Variants in HEXD observed in about 807,000 individuals in gnomAD.
HEXD encodes the protein N-acetyl-beta-galactosaminidase.
HEXD carries 47 observed loss-of-function variants against 54.2 expected under a neutral mutation model. The ratio of observed to expected loss-of-function variants is 0.87; its 90% CI spans 0.69 to 1.11. HEXD has a LOEUF of 1.11. HEXD is among the 50% of genes least tolerant of loss of function. The pLI, the probability that HEXD is intolerant of heterozygous loss-of-function variation, is 0.00. For missense variants in HEXD, 576 were observed against 649.2 expected (o/e 0.89, Z 1.23); for synonymous variants, 293 against 287.6 (o/e 1.02, Z -0.19).
At chr17:82,428,787 C>G (rs76117942) in intron 4 of HEXD, 142 bp downstream of exon 4, 4 of 685,338 alleles carry the variant, frequency 5.8e-6, no homozygotes, top group Non-Finnish European at 1.0e-5. Context: ...CATGGAAAGG[C>G]CTTTGGTCTA....
At chr17:82,436,018 T>G (rs1472460862) in intron 6 of HEXD, 146 bp downstream of exon 6, 1 of 791,400 alleles carries the variant, frequency 1.3e-6, no homozygotes, top group South Asian at 1.7e-5. Context: ...TGCATCCCCT[T>G]GACGCCAGGC....
Position 82,435,827 on chromosome 17 carries a change from G to T in HEXD, c.586G>T (p.Val196Leu). ...KARRPSVTPL[V>L]WDDMLRDLPE... ...CCGGCGCCCCAGCGTGACACCCCTG[G>T]TGTGGGACGACATGCTCCGAGACCT... The change falls in exon 6 of 13, where the codon GTG becomes TTG. Residue 196 changes from valine (V) to leucine (L), a missense_variant. Coordinates refer to ENST00000327949, the MANE Select transcript of HEXD (RefSeq NM_001330542.2). 6.2e-7 allele frequency: 1 copy of T among 1,612,254 alleles called. No individual in the cohort carries two copies. The highest frequency in any genetic ancestry group is 8.5e-7 in the Non-Finnish European group (1 of 1,179,772).
At chr17:82,440,906 C>A in intron 9 of HEXD, 91 bp from the exon 10 acceptor site, 2 of 1,442,456 alleles carry the variant, frequency 1.4e-6, no homozygotes, top group Non-Finnish European at 1.9e-6. Context: ...CGCCCGCCCA[C>A]TGCCCCAGTA....
intron 7 of HEXD, 97 bp downstream of exon 7, chr17:82,436,835 G>A (rs2053783308): frequency 8.7e-7 from 1 of 1,154,358 alleles, no homozygotes; most frequent in African/African-American, 1.5e-5. Flanking sequence ...GCCCAGCCTG[G>A]AGCCTGCACG....
chr17:82,438,832 G>A lies in HEXD; in HGVS notation c.900-799G>A, dbSNP rs2053847136. 1.3e-5 allele frequency among the ~76,000 whole-genome samples: 2 copies of A among 152,266 alleles called. 1 individual carries two copies. The highest frequency in any genetic ancestry group is 1.3e-4 in the Admixed American group (2 of 15,294). ...GGCAGCGGCTCTGCAGAAGCTTCTA[G>A]ATAGTTCCCACTGTCCTGTTGGGAT... On this transcript the variant is annotated intron_variant, in intron 8 of 12. Transcript: ENST00000327949.
In HEXD at chr17:82,437,262, C is replaced by T. The variant is rs769594222; in HGVS notation, c.798C>T (p.Pro266=). The change falls in exon 8 of 13, where the codon CCC becomes CCT. Residue 266 remains proline, a synonymous_variant. Coordinates refer to ENST00000327949, the MANE Select transcript of HEXD (RefSeq NM_001330542.2). ...KGATGPSQAV[P]PVEHHLRNHV... The stretch of plus-strand genomic sequence containing the variant: ...CCACGGGGCCCAGCCAGGCCGTGCC[C>T]CCTGTTGAGCACCACCTCAGGAACC... 5.0e-6 allele frequency: 8 copies of T among 1,612,254 alleles called. No individual in the cohort carries two copies. Among genetic ancestry groups the T allele is most frequent in the Non-Finnish European group, 6.8e-6 (8 of 1,179,522 alleles).
chr17:82,437,858 T>C (rs1032163661), intron 8 of HEXD, among the ~76,000 whole-genome samples: 9 of 152,270 alleles, frequency 5.9e-5, no homozygotes, highest in East Asian at 5.8e-4. Context: ...CCCAGCTCTG[T>C]TTTCCGTTTT....
In HEXD at chr17:82,442,423, G is replaced by C; in HGVS notation, c.*39G>C. 2.5e-6 allele frequency: 4 copies of C among 1,610,146 alleles called. No individual in the cohort carries two copies. Among genetic ancestry groups the C allele is most frequent in the Non-Finnish European group, 3.4e-6 (4 of 1,177,738 alleles). ...GCCAGGGGGCTCCTGCTGGAGGCTG[G>C]GGGGGCTCTGCACTGCCAAATGGCC... On this transcript the variant is annotated 3_prime_UTR_variant, in exon 13 of 13. Coordinates refer to ENST00000327949, the MANE Select transcript of HEXD (RefSeq NM_001330542.2). The surrounding 1 kb of genome is among the most constrained non-coding windows in gnomAD (Gnocchi z 6.8).
At position 82,433,808 on chromosome 17, in the gene HEXD, A is replaced by G. The variant is rs4789773; in HGVS notation, c.433A>G (p.Ile145Val). 607,843 of 1,611,518 alleles carry G rather than the reference A, an allele frequency of 0.38. 126,366 individuals carry two copies. Among genetic ancestry groups the G allele is most frequent in the East Asian group, 0.91 (40,858 of 44,728 alleles). ...ACACCCAGGCGCCCAGCGGCTGCAC[A>G]TCGGGTGTGATGAGGTGGGTACTGT... is the stretch of plus-strand genomic sequence containing the variant. ...ELHPGAQRLHIGCDEVYYLGE... is the reference protein window; with the variant it reads ...ELHPGAQRLHVGCDEVYYLGE... Residue 145 changes from isoleucine (I) to valine (V), a missense_variant, in exon 5 of 13, where the codon ATC becomes GTC. Coordinates refer to ENST00000327949, the MANE Select transcript of HEXD (RefSeq NM_001330542.2).
rs1435143108 is a variant in HEXD at position 82,428,549 on chromosome 17, T to C, written c.195-9T>C. 8 of 1,612,272 alleles carry C rather than the reference T, an allele frequency of 5.0e-6. No individual in the cohort carries two copies. Among genetic ancestry groups the C allele is most frequent in the Non-Finnish European group, 6.8e-6 (8 of 1,178,562 alleles). ...CATGACCCTCTCTCTATGAATTTTGTCTCTCCAGCCCCTCTGAAATCAAAG... is the reference window on the plus strand; with the variant it reads ...CATGACCCTCTCTCTATGAATTTTGCCTCTCCAGCCCCTCTGAAATCAAAG... On this transcript the variant is annotated splice_polypyrimidine_tract_variant and intron_variant, in intron 3 of 12. Transcript: ENST00000327949.
intron 8 of HEXD, 195 bp from the exon 9 acceptor site, chr17:82,439,436 A>T: frequency 1.0e-6 from 1 of 985,334 alleles, no homozygotes; most frequent in Non-Finnish European, 1.2e-6. Flanking sequence ...TCTAGAACGG[A>T]GTTGACATGA....
chr17:82,433,115 TATATATATATATA>T lies in HEXD; in HGVS notation c.283-542_283-530del, dbSNP rs1401714568. Among the ~76,000 whole-genome samples, 33 of 14,852 alleles carry T rather than the reference TATATATATATATA, an allele frequency of 2.2e-3. 5 individuals carry two copies. Among genetic ancestry groups the T allele is most frequent in the African/African-American group, 0.019 (26 of 1,374 alleles). The allele number at this position is 14,852 out of a possible 152,430, so 9.7% of individuals were successfully genotyped here. A position where few individuals can be genotyped will look rare whatever the true frequency, so the allele number is the denominator to read the frequency against. ...AAATATATATATATATATATATATATATATATATATATATTTTTTTTTTTTTTTTATATATATA... is the reference window on the plus strand; with the variant it reads ...AAATATATATATATATATATATATATTTTTTTTTTTTTTTTTATATATATA... On this transcript the variant is annotated intron_variant, in intron 4 of 12. Coordinates refer to ENST00000327949, the MANE Select transcript of HEXD (RefSeq NM_001330542.2).
chr17:82,420,708 C>T (rs1474960092), intron 2 of HEXD, among the ~76,000 whole-genome samples: 1 of 152,178 alleles, frequency 6.6e-6, no homozygotes, highest in Non-Finnish European at 1.5e-5. Context: ...GCTGGGATTA[C>T]AGGTGCCTGC....
intron 4 of HEXD, among the ~76,000 whole-genome samples, 165 bp downstream of exon 4, chr17:82,428,810 C>T (rs998489810): frequency 2.6e-5 from 4 of 152,124 alleles, no homozygotes; most frequent in African/African-American, 9.7e-5. Flanking sequence ...AAGTCCCTGC[C>T]TGACTCGGCC....
In HEXD at chr17:82,436,955, G is replaced by A. The variant is rs117771709; in HGVS notation, c.704-213G>A. The A allele has an allele frequency of 6.8e-3, 4,322 of 635,026 alleles. 27 individuals carry two copies. The highest frequency in any genetic ancestry group is 9.1e-3 in the Non-Finnish European group (3,286 of 362,336). 39.3% of individuals were successfully genotyped at this position (635,026 alleles called of 1,614,324 possible). A position where few individuals can be genotyped will look rare whatever the true frequency, so the allele number is the denominator to read the frequency against. On this transcript the variant is annotated intron_variant, in intron 7 of 12. Coordinates refer to ENST00000327949, the MANE Select transcript of HEXD (RefSeq NM_001330542.2). The stretch of plus-strand genomic sequence containing the variant: ...CCTGTTCCACCAGTGTTTTCCTAGT[G>A]AGCAGGTGAACCAGGGGCCACGTAC...
At chr17:82,432,354 G>A (rs2053597910) in intron 4 of HEXD, among the ~76,000 whole-genome samples, 1 of 152,040 alleles carries the variant, frequency 6.6e-6, no homozygotes, top group Non-Finnish European at 1.5e-5. Context: ...TGCACCCTCT[G>A]GCAAGCGGAA....
At position 82,442,476 on chromosome 17, in the gene HEXD, G is replaced by A. The variant is rs758149965; in HGVS notation, c.*92G>A. On this transcript the variant is annotated 3_prime_UTR_variant, in exon 13 of 13. Coordinates refer to ENST00000327949, the MANE Select transcript of HEXD (RefSeq NM_001330542.2). This position sits in a 1 kb window ranked among gnomAD's most constrained non-coding sequence, Gnocchi z 6.8. ...GGCAATACGGGCCCACGTGGGCGTC[G>A]TGCCCTCTGGCCCAGCAGTGTCTTG... The A allele has an allele frequency of 2.2e-5, 35 of 1,605,750 alleles. No individual in the cohort carries two copies. The East Asian group carries it at 2.5e-4, about 11-fold the overall frequency.
At chr17:82,435,996 A>C (rs2143577411) in intron 6 of HEXD, 124 bp downstream of exon 6, 1 of 907,978 alleles carries the variant, frequency 1.1e-6, no homozygotes, top group Non-Finnish European at 1.6e-6. Context: ...CAGACCCGCC[A>C]CAACCACCTC....
intron 8 of HEXD, chr17:82,439,373 G>T (rs118174629): frequency 1.1e-6 from 1 of 947,754 alleles, no homozygotes; most frequent in Non-Finnish European, 1.3e-6. Context: ...GAATTCCCAT[G>T]GCTCCGGAGA....
Sources: gnomAD v4.1 joint callset for allele counts (sites outside exome capture counted in the v4.1 genomes callset) on GRCh38, gnomAD v4.1.1 for gene constraint, Gnocchi (gnomAD v3.1) non-coding constraint, MANE v1.5 for transcripts, NCBI Gene and HGNC (gene_info 2026-07-23, HGNC 2026-07-21) for gene names.